Variants in IL17RA observed in about 807,000 individuals in gnomAD.
IL17RA encodes interleukin 17 receptor A, also known as interleukin-17 receptor A.
Under a neutral mutation model 50.4 loss-of-function variants are expected in IL17RA, and 34 were observed. The ratio of observed to expected loss-of-function variants is 0.67; its 90% CI spans 0.51 to 0.90. The LOEUF is 0.90. Ranked by LOEUF, IL17RA falls within the 40% of genes least tolerant of loss-of-function variation. The pLI is 0.00. For synonymous variants in IL17RA, 585 were observed against 510.4 expected (o/e 1.15, Z -1.97); for missense variants, 1,276 against 1,169.8 (o/e 1.09, Z -1.32).
chr22:17,109,477 T>G lies in IL17RA; in HGVS notation c.2258T>G (p.Leu753Arg), dbSNP rs746798811. 18 of 1,611,880 alleles carry G rather than the reference T, an allele frequency of 1.1e-5. No homozygotes were observed. Among genetic ancestry groups the G allele is most frequent in the Non-Finnish European group, 2.5e-6 (3 of 1,179,360 alleles). ...DVREHLEGLM[L>R]SLFEQSLSCQ... is the part of the protein sequence containing the mutation. ...AGGGAGCACCTCGAAGGCTTGATGC[T>G]CTCGCTCTTCGAGCAGAGTCTGAGC... Residue 753 changes from leucine (L) to arginine (R), a missense_variant, in exon 13 of 13, where the codon CTC becomes CGC. Leu to Arg is a moderately radical substitution (Grantham distance 102). Transcript: ENST00000319363.
chr22:17,107,634 C>T lies in IL17RA; in HGVS notation c.1046-93C>T, dbSNP rs1394985063. 2.7e-6 allele frequency: 3 copies of T among 1,113,024 alleles called. No individual in the cohort carries two copies. The African/African-American group carries it at 4.6e-5, about 17-fold the overall frequency. 68.9% of individuals were successfully genotyped at this position (1,113,024 alleles called of 1,614,324 possible). On this transcript the variant is annotated intron_variant, in intron 11 of 12. Coordinates refer to ENST00000319363, the MANE Select transcript of IL17RA (RefSeq NM_014339.7). Reference sequence around the variant, plus strand: ...GTCTCGGGGCTGCCCCCTTACCCTTCACCCTTTGTCAGGGATGGGGCAGAC... The same window carrying T: ...GTCTCGGGGCTGCCCCCTTACCCTTTACCCTTTGTCAGGGATGGGGCAGAC...
chr22:17,091,434 T>C (rs1297617481), intron 1 of IL17RA, among the ~76,000 whole-genome samples: 2 of 152,164 alleles, frequency 1.3e-5, no homozygotes, highest in Admixed American at 1.3e-4. Context: ...CCCAGCACTT[T>C]GGGAGGCCGA....
At chr22:17,104,914 G>C in intron 9 of IL17RA, 104 bp downstream of exon 9, 1 of 1,108,670 alleles carries the variant, frequency 9.0e-7, no homozygotes. Context: ...GATTAGGGAG[G>C]AGAGTTTAGT....
At chr22:17,097,634 G>A (rs2061372897) in intron 2 of IL17RA, 163 bp from the exon 3 acceptor site, 1 of 717,388 alleles carries the variant, frequency 1.4e-6, no homozygotes. Context: ...AAACATTAGA[G>A]AAGAGGGAGC....
intron 1 of IL17RA, among the ~76,000 whole-genome samples, chr22:17,085,568 G>A (rs1194595996): frequency 6.6e-6 from 1 of 152,162 alleles, no homozygotes. Flanking sequence ...GGGCCAGGCC[G>A]GAGGGGCGGC....
intron 1 of IL17RA, among the ~76,000 whole-genome samples, chr22:17,091,262 C>T (rs2061346840): frequency 6.6e-6 from 1 of 152,156 alleles, no homozygotes; most frequent in African/African-American, 2.4e-5. Context: ...TTATTCTACC[C>T]TCATACCTTT....
At position 17,085,503 on chromosome 22, in the gene IL17RA, C is replaced by A. The variant is rs13054638; in HGVS notation, c.138+274C>A. Among the ~76,000 whole-genome samples, 2 of 152,014 alleles carry A rather than the reference C, an allele frequency of 1.3e-5. 1 individual carries two copies. The highest frequency in any genetic ancestry group is 4.2e-4 in the South Asian group (2 of 4,810). On this transcript the variant is annotated intron_variant, in intron 1 of 12. Coordinates refer to ENST00000319363, the MANE Select transcript of IL17RA (RefSeq NM_014339.7). ...CCTGGCCCGCCGTCGTGACTGGAGG[C>A]GGGAGTGACACCTCCGCCCGGGCCG...
intron 1 of IL17RA, among the ~76,000 whole-genome samples, chr22:17,089,941 G>C (rs1265123743): frequency 1.3e-5 from 2 of 151,116 alleles, no homozygotes; most frequent in Non-Finnish European, 2.9e-5. Flanking sequence ...TGTTGGACAA[G>C]ACAAGATATG....
At position 17,100,361 on chromosome 22, in the gene IL17RA, T is replaced by C; in HGVS notation, c.430T>C (p.Phe144Leu). Residue 144 changes from phenylalanine to leucine, a missense_variant, in exon 5 of 13, where the codon TTT becomes CTT. Transcript: ENST00000319363. Reference protein sequence around the residue: ...KLRHHHRRWRFTFSHFVVDPD... With the variant: ...KLRHHHRRWRLTFSHFVVDPD... ...CTTCCTCCCTTCTCTTCAGTGGCGT[T>C]TTACCTTCAGCCACTTTGTGGTTGA... is the stretch of plus-strand genomic sequence containing the variant. 6.2e-7 allele frequency: 1 copy of C among 1,614,008 alleles called. No individual in the cohort carries two copies. The highest frequency in any genetic ancestry group is 8.5e-7 in the Non-Finnish European group (1 of 1,179,966).
At position 17,109,895 on chromosome 22, in the gene IL17RA, C is replaced by T. The variant is rs1752961497; in HGVS notation, c.*75C>T. On this transcript the variant is annotated 3_prime_UTR_variant, in exon 13 of 13. Coordinates refer to ENST00000319363, the MANE Select transcript of IL17RA (RefSeq NM_014339.7). ...GTGTGCACGTATTCATCTGTGTGTA[C>T]ATGTCTGCATGTGTATATGTTCGTG... The T allele has an allele frequency of 7.7e-7, 1 of 1,294,894 alleles. No homozygotes were observed. Among genetic ancestry groups the T allele is most frequent in the Non-Finnish European group, 1.1e-6 (1 of 932,000 alleles). The allele number at this position is 1,294,894 out of a possible 1,614,324, so 80.2% of individuals were successfully genotyped here. A position where few individuals can be genotyped will look rare whatever the true frequency, so the allele number is the denominator to read the frequency against.
chr22:17,103,668 T>C (rs2061400188), intron 8 of IL17RA, 91 bp downstream of exon 8: 1 of 1,031,532 alleles, frequency 9.7e-7, no homozygotes, highest in African/African-American at 1.7e-5. Flanking sequence ...AGGTGAAGAG[T>C]GGTGTGGACG....
chr22:17,091,155 A>G (rs2061346492), intron 1 of IL17RA, among the ~76,000 whole-genome samples: 1 of 152,200 alleles, frequency 6.6e-6, no homozygotes, highest in Non-Finnish European at 1.5e-5. Flanking sequence ...TTGCTGGAGA[A>G]TATCATCCTG....
At chr22:17,105,240 G>A (rs1175968385) in intron 9 of IL17RA, among the ~76,000 whole-genome samples, 1 of 152,172 alleles carries the variant, frequency 6.6e-6, no homozygotes, top group Non-Finnish European at 1.5e-5. Flanking sequence ...CTGAGGCACA[G>A]AGATGTTGAA....
At position 17,097,820 on chromosome 22, in the gene IL17RA, A is replaced by G; in HGVS notation, c.187A>G (p.Ile63Val). The G allele has an allele frequency of 1.9e-6, 3 of 1,614,128 alleles. No individual in the cohort carries two copies. The highest frequency in any genetic ancestry group is 2.5e-6 in the Non-Finnish European group (3 of 1,180,036). The change falls in exon 3 of 13, where the codon ATT becomes GTT. Residue 63 changes from isoleucine to valine, a missense_variant. Transcript: ENST00000319363. The part of the protein sequence containing the change: ...KNSTCLDDSW[I>V]HPRNLTPSSP... ...AGGTACCTGCCTGGATGACAGCTGGATTCACCCTCGAAACCTGACCCCCTC... is the reference window on the plus strand; with the variant it reads ...AGGTACCTGCCTGGATGACAGCTGGGTTCACCCTCGAAACCTGACCCCCTC...
In IL17RA at chr22:17,109,156, C is replaced by T. The variant is rs1267889120; in HGVS notation, c.1937C>T (p.Ala646Val). 3 of 1,533,406 alleles carry T rather than the reference C, an allele frequency of 2.0e-6. No homozygotes were observed. The highest frequency in any genetic ancestry group is 1.7e-6 in the Non-Finnish European group (2 of 1,146,306). The allele number at this position is 1,533,406 out of a possible 1,614,324, so 95.0% of individuals were successfully genotyped here. A position where few individuals can be genotyped will look rare whatever the true frequency, so the allele number is the denominator to read the frequency against. Residue 646 changes from alanine (A) to valine (V), a missense_variant, in exon 13 of 13, where the codon GCA becomes GTA. By Grantham distance (64) the Ala-to-Val change is moderately conservative (BLOSUM62 0). Transcript: ENST00000319363. ...CTGGTCGGGGAGGAAGGAGGAGCAG[C>T]AGTGGCAAAGCTGGAACCTCACCTG... ...DPLVGEEGGAAVAKLEPHLQP... is the reference protein window; with the variant it reads ...DPLVGEEGGAVVAKLEPHLQP...
rs1433880732 is a variant in IL17RA, at chr22:17,113,006, T to C, written c.*3186T>C. 1 of 151,812 alleles carries C rather than the reference T, an allele frequency of 6.6e-6. No individual in the cohort carries two copies. Among genetic ancestry groups the C allele is most frequent in the African/African-American group, 2.4e-5 (1 of 41,384 alleles). The allele number at this position is 151,812 out of a possible 1,614,324, so 9.4% of individuals were successfully genotyped here. A position where few individuals can be genotyped will look rare whatever the true frequency, so the allele number is the denominator to read the frequency against. On this transcript the variant is annotated 3_prime_UTR_variant, in exon 13 of 13. Transcript: ENST00000319363. ...TGATCCTAGTTTTTTTTTTGTTTTT[T>C]TTTTTTTTAAGGAATAATTACTTTG...
intron 4 of IL17RA, 82 bp from the exon 5 acceptor site, chr22:17,100,273 G>T (rs1415342827): frequency 6.5e-7 from 1 of 1,550,376 alleles, no homozygotes; most frequent in Non-Finnish European, 8.9e-7. Flanking sequence ...TCGGGAGTGG[G>T]TGGGAACGGG....
chr22:17,096,269 A>G (rs1051794257), intron 1 of IL17RA, among the ~76,000 whole-genome samples: 33 of 152,164 alleles, frequency 2.2e-4, no homozygotes, highest in Non-Finnish European at 4.0e-4. Flanking sequence ...ATAATGTAAC[A>G]TGGGTGCCTC....
rs1174161308 is a variant in IL17RA at position 17,111,584 on chromosome 22, C to T, written c.*1764C>T. The T allele has an allele frequency of 6.6e-6, 1 of 152,154 alleles. No individual in the cohort carries two copies. The highest frequency in any genetic ancestry group is 1.5e-5 in the Non-Finnish European group (1 of 68,024). 9.4% of individuals were successfully genotyped at this position (152,154 alleles called of 1,614,324 possible). A position where few individuals can be genotyped will look rare whatever the true frequency, so the allele number is the denominator to read the frequency against. On this transcript the variant is annotated 3_prime_UTR_variant, in exon 13 of 13. Coordinates refer to ENST00000319363, the MANE Select transcript of IL17RA (RefSeq NM_014339.7). ...GCTAGAGGCTTCTGGCTTCAGGGTCCTGAAGAACACATTGAGGTGCCGTCT... is the reference window on the plus strand; with the variant it reads ...GCTAGAGGCTTCTGGCTTCAGGGTCTTGAAGAACACATTGAGGTGCCGTCT...
Sources: gnomAD v4.1 joint callset for allele counts (sites outside exome capture counted in the v4.1 genomes callset) on GRCh38, gnomAD v4.1.1 for gene constraint, MANE v1.5 for transcripts, NCBI Gene and HGNC (gene_info 2026-07-23, HGNC 2026-07-21) for gene names.